SRRM1: variants seen among roughly 807,000 people sequenced by gnomAD.
SRRM1 encodes the protein serine and arginine repetitive matrix 1.
SRRM1 carries 19 observed loss-of-function variants against 110.2 expected under a neutral mutation model. That is an observed-to-expected ratio of 0.17 (90% CI 0.12 to 0.25). The LOEUF is 0.25. Among genes scored for constraint, SRRM1 ranks in the 10% least tolerant of loss-of-function variants. The pLI is 1.00. For missense variants in SRRM1, 918 were observed against 1,145.8 expected (o/e 0.80, Z 2.87); for synonymous variants, 443 against 414.9 (o/e 1.07, Z -0.82).
chr1:24,645,223 G>A (rs769763307), intron 1 of SRRM1, among the ~76,000 whole-genome samples: 11 of 152,232 alleles, frequency 7.2e-5, no homozygotes, highest in Middle Eastern at 3.4e-3. Context: ...ACGATCTTAC[G>A]GCTAAGTAGT....
chr1:24,657,829 A>G (rs1665020092), intron 9 of SRRM1, among the ~76,000 whole-genome samples: 1 of 152,150 alleles, frequency 6.6e-6, no homozygotes, highest in Admixed American at 6.6e-5. Context: ...ACGGTGTGGT[A>G]ATTTTGATTT....
chr1:24,648,575 C>A (rs1658786131), intron 3 of SRRM1: 1 of 259,866 alleles, frequency 3.8e-6, no homozygotes, highest in Non-Finnish European at 7.2e-6. Context: ...GTAAGGCCCA[C>A]TAACAGCCAC....
intron 1 of SRRM1, among the ~76,000 whole-genome samples, chr1:24,645,481 T>A (rs958838805): frequency 6.6e-6 from 1 of 152,254 alleles, no homozygotes; most frequent in Non-Finnish European, 1.5e-5. Flanking sequence ...AACCCTGTCT[T>A]CTTCACTCAT....
intron 9 of SRRM1, 77 bp downstream of exon 9, chr1:24,655,206 A>G (rs1663331364): frequency 3.4e-6 from 5 of 1,466,766 alleles, no homozygotes; most frequent in South Asian, 1.2e-5. Flanking sequence ...CCCCCTGCTC[A>G]CTCTCAAAGT....
chr1:24,646,371 C>G (rs537844024), intron 2 of SRRM1, among the ~76,000 whole-genome samples: 5 of 151,908 alleles, frequency 3.3e-5, no homozygotes, highest in African/African-American at 1.2e-4. Context: ...ACTAAAAATA[C>G]AAAAAATTAG....
intron 12 of SRRM1, 166 bp downstream of exon 12, chr1:24,662,970 G>A (rs1292058723): frequency 2.9e-6 from 3 of 1,030,292 alleles, no homozygotes; most frequent in Non-Finnish European, 4.2e-6. Flanking sequence ...TGCTTTATTG[G>A]TGGTTATTAA....
intron 6 of SRRM1, among the ~76,000 whole-genome samples, 158 bp from the exon 7 acceptor site, chr1:24,652,276 A>G (rs1033882971): frequency 6.6e-6 from 1 of 151,280 alleles, no homozygotes; most frequent in South Asian, 2.1e-4. Context: ...TCTGGGTTTC[A>G]GTGATAGGTA....
intron 10 of SRRM1, 74 bp from the exon 11 acceptor site, chr1:24,661,236 A>G (rs1014001222): frequency 8.6e-6 from 9 of 1,043,914 alleles, no homozygotes; most frequent in African/African-American, 6.3e-5. Context: ...TTGAGAGACT[A>G]TTTTCCTATT....
At chr1:24,657,201 C>T (rs963496039) in intron 9 of SRRM1, among the ~76,000 whole-genome samples, 1 of 152,162 alleles carries the variant, frequency 6.6e-6, no homozygotes, top group East Asian at 1.9e-4. Flanking sequence ...CCACCACACC[C>T]GGCCCAGACA....
rs75405989 is a variant in SRRM1, at chr1:24,654,573, G to A, written c.1041-282G>A. On this transcript the variant is annotated intron_variant, in intron 8 of 16. Coordinates refer to ENST00000323848, the MANE Select transcript of SRRM1 (RefSeq NM_005839.4). Reference sequence around the variant, plus strand: ...ATTCCTAAGGCAGAAGGACTAGTTAGTTATTTTATTATAGCATTCAACCTG... The same window carrying A: ...ATTCCTAAGGCAGAAGGACTAGTTAATTATTTTATTATAGCATTCAACCTG... Among the ~76,000 whole-genome samples the A allele has an allele frequency of 6.4e-3, 980 of 152,306 alleles. 5 individuals carry two copies. Among genetic ancestry groups the A allele is most frequent in the Non-Finnish European group, 0.011 (741 of 68,016 alleles).
chr1:24,669,178 C>T lies in SRRM1; in HGVS notation c.1795C>T (p.Pro599Ser). 1.9e-6 allele frequency: 3 copies of T among 1,614,056 alleles called. No homozygotes were observed. Among genetic ancestry groups the T allele is most frequent in the Non-Finnish European group, 2.5e-6 (3 of 1,180,000 alleles). ...ACCTTCTCCTAGAAGATACTCTCCT[C>T]CAATACAGAGGAGATACTCTCCTTC... ...RSPSPRRYSP[P>S]IQRRYSPSPP... Residue 599 changes from proline (P) to serine (S), a missense_variant, in exon 14 of 17, where the codon CCA becomes TCA. Coordinates refer to ENST00000323848, the MANE Select transcript of SRRM1 (RefSeq NM_005839.4).
chr1:24,669,929 G>T, intron 14 of SRRM1, 191 bp from the exon 15 acceptor site: 1 of 594,750 alleles, frequency 1.7e-6, no homozygotes, highest in Non-Finnish European at 2.9e-6. Flanking sequence ...AATAGATAGA[G>T]GATTATGGGG....
At chr1:24,664,844 A>C (rs914078649) in intron 12 of SRRM1, among the ~76,000 whole-genome samples, 4 of 152,174 alleles carry the variant, frequency 2.6e-5, no homozygotes, top group Non-Finnish European at 4.4e-5. Context: ...GAGTTAGATT[A>C]GTGGTGCAAT....
At chr1:24,668,971 T>C (rs947448640) in intron 13 of SRRM1, 152 bp from the exon 14 acceptor site, 10 of 631,730 alleles carry the variant, frequency 1.6e-5, no homozygotes, top group African/African-American at 1.5e-4. Flanking sequence ...TTTATTGATA[T>C]TTAAGTGAGA....
In SRRM1 at chr1:24,643,334, C is replaced by T; in HGVS notation, c.8C>T (p.Ala3Val). 6.4e-7 allele frequency: 1 copy of T among 1,555,098 alleles called. No homozygotes were observed. Among genetic ancestry groups the T allele is most frequent in the Non-Finnish European group, 8.7e-7 (1 of 1,155,902 alleles). ...TCCGAGCGAGGCGGCAAGATGGACG[C>T]GGGATTTTTCCGCGTAAGTAGAAGC... MD[A>V]GFFRGTSAEQ... Residue 3 changes from alanine (A) to valine (V), a missense_variant, in exon 1 of 17, where the codon GCG (alanine) becomes GTG (valine). Coordinates refer to ENST00000323848, the MANE Select transcript of SRRM1 (RefSeq NM_005839.4).
chr1:24,662,780 A>G lies in SRRM1; in HGVS notation c.1604A>G (p.Lys535Arg). Residue 535 changes from lysine to arginine, a missense_variant, in exon 12 of 17, where the codon AAG (lysine) becomes AGG (arginine). Transcript: ENST00000323848. ...PSRSASPSPR[K>R]RQKETSPRGR... ...CGGAGTGCTTCTCCATCACCACGAA[A>G]GCGCCAAAAAGAGACTTCCCCTCGG... 1 of 1,614,170 alleles carries G rather than the reference A, an allele frequency of 6.2e-7. No individual in the cohort carries two copies. Among genetic ancestry groups the G allele is most frequent in the Non-Finnish European group, 8.5e-7 (1 of 1,180,006 alleles).
intron 3 of SRRM1, 75 bp from the exon 4 acceptor site, chr1:24,648,784 G>A (rs1658918946): frequency 1.4e-6 from 2 of 1,385,408 alleles, no homozygotes; most frequent in Admixed American, 1.9e-5. Context: ...ATTTAAATGA[G>A]TTTTAGGTTG....
At chr1:24,656,936 AAAT>A (rs1404468672) in intron 9 of SRRM1, among the ~76,000 whole-genome samples, 8 of 152,214 alleles carry the variant, frequency 5.3e-5, no homozygotes, top group Non-Finnish European at 1.2e-4. Flanking sequence ...GCCATGGTGA[AAAT>A]AAGTATTTCT....
At chr1:24,665,655 G>A (rs1271245752) in intron 12 of SRRM1, among the ~76,000 whole-genome samples, 2 of 152,180 alleles carry the variant, frequency 1.3e-5, no homozygotes, top group Non-Finnish European at 2.9e-5. Flanking sequence ...AGAGCTTGCA[G>A]TAAGCCCAGA....
Sources: gnomAD v4.1 joint callset for allele counts (sites outside exome capture counted in the v4.1 genomes callset) on GRCh38, gnomAD v4.1.1 for gene constraint, MANE v1.5 for transcripts, NCBI Gene and HGNC (gene_info 2026-07-23, HGNC 2026-07-21) for gene names.